HIPK3: variants seen among roughly 807,000 people sequenced by gnomAD.
The protein encoded by HIPK3 is homeodomain-interacting protein kinase 3.
HIPK3 carries 47 observed loss-of-function variants against 124.2 expected under a neutral mutation model. The ratio of observed to expected loss-of-function variants is 0.38; its 90% confidence interval spans 0.30 to 0.48. The LOEUF is 0.48. Among genes scored for constraint, HIPK3 ranks in the 20% least tolerant of loss-of-function variants. HIPK3 has a pLI of 0.98. For missense variants in HIPK3, 1,286 were observed against 1,454.3 expected (o/e 0.88, Z 1.88); for synonymous variants, 482 against 515.2 (o/e 0.94, Z 0.87).
chr11:33,277,845 G>C (rs1451283848), intron 1 of HIPK3, among the ~76,000 whole-genome samples: 1 of 152,114 alleles, frequency 6.6e-6, no homozygotes, highest in African/African-American at 2.4e-5. Flanking sequence ...CAGTTTGGTG[G>C]CTATAAAATG....
At chr11:33,326,653 T>C (rs1213209161) in intron 2 of HIPK3, among the ~76,000 whole-genome samples, 16 of 151,758 alleles carry the variant, frequency 1.1e-4, no homozygotes, top group Admixed American at 1.1e-3. Flanking sequence ...GAGGGAGTTA[T>C]GACTGGTCAA....
At chr11:33,334,435 G>A (rs1351816303) in intron 3 of HIPK3, among the ~76,000 whole-genome samples, 1 of 152,088 alleles carries the variant, frequency 6.6e-6, no homozygotes, top group Non-Finnish European at 1.5e-5. Context: ...CATGTGGTTC[G>A]ACATGGTGCC....
chr11:33,333,717 TC>T (rs1853056714), intron 3 of HIPK3, among the ~76,000 whole-genome samples: 1 of 152,250 alleles, frequency 6.6e-6, no homozygotes, highest in Non-Finnish European at 1.5e-5. Context: ...CCATCTCAAC[TC>T]CTGAGGTACA....
At chr11:33,296,141 A>G (rs1286916460) in intron 2 of HIPK3, among the ~76,000 whole-genome samples, 1 of 151,882 alleles carries the variant, frequency 6.6e-6, no homozygotes, top group Non-Finnish European at 1.5e-5. Flanking sequence ...TGTAAATATC[A>G]CTCATCATTC....
At chr11:33,340,575 T>TA (rs1853301504) in intron 6 of HIPK3, among the ~76,000 whole-genome samples, 1 of 152,188 alleles carries the variant, frequency 6.6e-6, no homozygotes, top group South Asian at 2.1e-4. Context: ...CTCAAACACT[T>TA]AAAATGTCCT....
intron 3 of HIPK3, among the ~76,000 whole-genome samples, chr11:33,335,928 A>G (rs1425913559): frequency 6.7e-6 from 1 of 149,016 alleles, no homozygotes; most frequent in African/African-American, 2.4e-5. Flanking sequence ...GGGGGAATCA[A>G]TATTTCAGGG....
chr11:33,328,167 AAT>A (rs1852865037), intron 2 of HIPK3, among the ~76,000 whole-genome samples: 1 of 152,160 alleles, frequency 6.6e-6, no homozygotes, highest in Non-Finnish European at 1.5e-5. Context: ...GTATGTATTT[AAT>A]AGTTTGCCAG....
At chr11:33,301,500 C>T (rs1159060559) in intron 2 of HIPK3, among the ~76,000 whole-genome samples, 1 of 151,604 alleles carries the variant, frequency 6.6e-6, no homozygotes, top group Non-Finnish European at 1.5e-5. Context: ...AAAATCAGAA[C>T]TAAGGGTGAG....
At chr11:33,274,966 A>G (rs1414440642) in intron 1 of HIPK3, among the ~76,000 whole-genome samples, 1 of 152,182 alleles carries the variant, frequency 6.6e-6, no homozygotes, top group South Asian at 2.1e-4. Flanking sequence ...AATGTTCTGT[A>G]GGCACCTCAG....
At chr11:33,352,433 A>G (rs552969325) in intron 16 of HIPK3, among the ~76,000 whole-genome samples, 168 bp downstream of exon 16, 1 of 152,388 alleles carries the variant, frequency 6.6e-6, no homozygotes, top group South Asian at 2.1e-4. Context: ...ATAATTAAGC[A>G]AATTATCCAT....
upstream of HIPK3, chr11:33,257,274 G>C: frequency 2.0e-6 from 2 of 983,456 alleles, no homozygotes; most frequent in Non-Finnish European, 2.4e-6. Context: ...GGAGCGGAGC[G>C]GAGCCGCCCG....
intron 2 of HIPK3, among the ~76,000 whole-genome samples, chr11:33,305,650 C>T (rs921610485): frequency 1.3e-5 from 2 of 152,148 alleles, no homozygotes; most frequent in African/African-American, 2.4e-5. Flanking sequence ...TCTCTATTTC[C>T]CACAATCCTT....
chr11:33,282,725 G>A (rs1851444748), intron 1 of HIPK3, among the ~76,000 whole-genome samples: 1 of 151,994 alleles, frequency 6.6e-6, no homozygotes, highest in African/African-American at 2.4e-5. Context: ...CTTTTTCTGA[G>A]TCTATGGGTA....
At chr11:33,348,038 C>T in intron 11 of HIPK3, 25 bp downstream of exon 11, 1 of 1,613,144 alleles carries the variant, frequency 6.2e-7, no homozygotes, top group Non-Finnish European at 8.5e-7. Flanking sequence ...TTTAGCTTTC[C>T]TCTGCATTTT....
At chr11:33,311,863 C>CACACACACT (rs1418820338) in intron 2 of HIPK3, among the ~76,000 whole-genome samples, 2 of 147,452 alleles carry the variant, frequency 1.4e-5, no homozygotes, top group South Asian at 2.2e-4. Flanking sequence ...CACACACACA[C>CACACACACT]ACACACTACA....
chr11:33,286,259 A>T (rs1469391967), intron 1 of HIPK3, among the ~76,000 whole-genome samples, 154 bp from the exon 2 acceptor site: 3 of 152,180 alleles, frequency 2.0e-5, no homozygotes, highest in African/African-American at 7.2e-5. Context: ...CAAGGGAAAA[A>T]ATCATCTTCA....
At chr11:33,271,038 C>CT (rs912276767) in intron 1 of HIPK3, among the ~76,000 whole-genome samples, 3 of 152,132 alleles carry the variant, frequency 2.0e-5, no homozygotes, top group South Asian at 2.1e-4. Flanking sequence ...TGGCAAAATA[C>CT]TTTAAGTTTT....
intron 2 of HIPK3, among the ~76,000 whole-genome samples, chr11:33,298,911 A>G (rs1167147140): frequency 2.0e-5 from 3 of 152,030 alleles, no homozygotes; most frequent in African/African-American, 2.4e-5. Flanking sequence ...CAGTGGTGCA[A>G]TCTTGGCTCA....
chr11:33,336,934 A>G (rs995305105), intron 3 of HIPK3, 141 bp from the exon 4 acceptor site: 12 of 444,280 alleles, frequency 2.7e-5, no homozygotes, highest in South Asian at 7.5e-5. Flanking sequence ...TTTTCCATAT[A>G]TGTTCTCCAC....
Sources: gnomAD v4.1 joint callset for allele counts (sites outside exome capture counted in the v4.1 genomes callset) on GRCh38, gnomAD v4.1.1 for gene constraint, MANE v1.5 for transcripts, NCBI Gene and HGNC (gene_info 2026-07-23, HGNC 2026-07-21) for gene names.